The following PIK3C2G variants were observed in gnomAD, a reference collection of about 807,000 sequenced individuals.
PIK3C2G encodes phosphatidylinositol-4-phosphate 3-kinase catalytic subunit type 2 gamma, also known as phosphatidylinositol 3-kinase C2 domain-containing subunit gamma.
Under a neutral mutation model 181.1 loss-of-function variants are expected in PIK3C2G, and 168 were observed. That is an observed-to-expected ratio of 0.93 (90% CI 0.82 to 1.05). The LOEUF (loss-of-function observed/expected upper bound fraction) is 1.05, where lower values mean the gene tolerates loss of function less well. Ranked by LOEUF, PIK3C2G falls within the 50% of genes least tolerant of loss-of-function variation. PIK3C2G has a pLI of 0.00. For missense variants in PIK3C2G, 1,869 were observed against 1,732.8 expected, an observed-to-expected ratio of 1.08 and a Z score of -1.40; for synonymous variants, 573 against 592.2, an observed-to-expected ratio of 0.97 and a Z score of 0.47.
intron 13 of PIK3C2G, among the ~76,000 whole-genome samples, chr12:18,376,942 T>A (rs895615816): frequency 1.3e-5 from 2 of 152,202 alleles, no homozygotes; most frequent in Non-Finnish European, 2.9e-5. Context: ...GCCTGCAGAA[T>A]AATGAGCCAA....
intron 16 of PIK3C2G, among the ~76,000 whole-genome samples, chr12:18,413,897 C>T (rs971326976): frequency 1.3e-5 from 2 of 152,054 alleles, no homozygotes; most frequent in Non-Finnish European, 2.9e-5. Flanking sequence ...AGAAATAATG[C>T]GTAGCCCTCA....
rs12315785 is a variant in PIK3C2G at position 18,357,803 on chromosome 12, G to T, written c.1626-4961G>T. On this transcript the variant is annotated intron_variant, in intron 11 of 32. Coordinates refer to ENST00000538779, the MANE Select transcript of PIK3C2G (RefSeq NM_001288772.2). ...CTTCCTTTTCTATCTCCAAGTGCCC[G>T]GTAACCAACATTCTACTTTTTGCTT... Among the ~76,000 whole-genome samples the T allele has an allele frequency of 7.6e-3, 1,160 of 152,168 alleles. 7 individuals are homozygous for T. The highest frequency in any genetic ancestry group is 0.013 in the Non-Finnish European group (895 of 67,992).
intron 18 of PIK3C2G, among the ~76,000 whole-genome samples, chr12:18,486,672 CAAGT>C (rs757558746): frequency 2.0e-5 from 3 of 150,360 alleles, no homozygotes; most frequent in Non-Finnish European, 3.0e-5. Flanking sequence ...AAAAAAAAAA[CAAGT>C]AGCCCAATAT....
At chr12:18,283,685 T>C (rs1229794113) in intron 2 of PIK3C2G, among the ~76,000 whole-genome samples, 2 of 152,162 alleles carry the variant, frequency 1.3e-5, no homozygotes, top group East Asian at 1.9e-4. Flanking sequence ...TTCTACTTCA[T>C]TTGAATTCAC....
intron 29 of PIK3C2G, among the ~76,000 whole-genome samples, chr12:18,577,382 A>G (rs1946287339): frequency 1.3e-5 from 2 of 152,294 alleles, no homozygotes; most frequent in East Asian, 3.9e-4. Context: ...TGTGCTAATT[A>G]AAGTACTACC....
At chr12:18,601,496 AT>A (rs1042563577) in intron 30 of PIK3C2G, among the ~76,000 whole-genome samples, 1 of 152,026 alleles carries the variant, frequency 6.6e-6, no homozygotes, top group African/African-American at 2.4e-5. Context: ...ATGGAGAGAG[AT>A]TTTTTTAAAG....
At chr12:18,682,598 ATTAAT>A in the PIK3C2G span, among the ~76,000 whole-genome samples, 1 of 152,064 alleles carries the variant, frequency 6.6e-6, no homozygotes, top group Non-Finnish European at 1.5e-5. Flanking sequence ...AACATTGCAA[ATTAAT>A]TTAAGATCCA....
At chr12:18,341,909 T>C (rs1262397866) in intron 9 of PIK3C2G, among the ~76,000 whole-genome samples, 4 of 152,178 alleles carry the variant, frequency 2.6e-5, no homozygotes, top group Non-Finnish European at 5.9e-5. Flanking sequence ...GTTTATTAAA[T>C]GTAAGTTTTG....
chr12:18,264,003 C>T (rs1490869110), intron 1 of PIK3C2G, among the ~76,000 whole-genome samples: 3 of 152,010 alleles, frequency 2.0e-5, no homozygotes, highest in Non-Finnish European at 2.9e-5. Context: ...TCAGTGCCAC[C>T]CTTTTCTCAT....
At chr12:18,297,341 A>T (rs1358566892) in intron 5 of PIK3C2G, among the ~76,000 whole-genome samples, 1 of 152,036 alleles carries the variant, frequency 6.6e-6, no homozygotes, top group African/African-American at 2.4e-5. Context: ...TCTCAATCCT[A>T]ACCAAAAAAC....
intron 18 of PIK3C2G, among the ~76,000 whole-genome samples, chr12:18,457,359 T>C (rs1947685493): frequency 6.6e-6 from 1 of 152,184 alleles, no homozygotes. Context: ...ACACATCCAG[T>C]GTACTAATAA....
rs762435411 is a variant in PIK3C2G at position 18,282,335 on chromosome 12, C to A, written c.254C>A (p.Ser85Tyr). The change falls in exon 2 of 33, where the codon TCC (serine) becomes TAC (tyrosine). Residue 85 changes from serine (S) to tyrosine (Y), a missense_variant. Coordinates refer to ENST00000538779, the MANE Select transcript of PIK3C2G (RefSeq NM_001288772.2). ...TCATTAAATGAAGCACACCAAATAT[C>A]CTTGAATGAATTCACTTCTAAAAGC... ...GHSLNEAHQI[S>Y]LNEFTSKSRE... 1.2e-6 allele frequency: 2 copies of A among 1,613,514 alleles called. No homozygotes were observed. Among genetic ancestry groups the A allele is most frequent in the East Asian group, 4.5e-5 (2 of 44,874 alleles).
intron 5 of PIK3C2G, among the ~76,000 whole-genome samples, chr12:18,298,367 T>A (rs1389735528): frequency 6.6e-6 from 1 of 151,348 alleles, no homozygotes; most frequent in Non-Finnish European, 1.5e-5. Context: ...CACTTTTTGA[T>A]GGGATTATTT....
intron 4 of PIK3C2G, 150 bp downstream of exon 4, chr12:18,291,162 T>C: frequency 1.8e-6 from 1 of 543,462 alleles, no homozygotes; most frequent in Non-Finnish European, 3.2e-6. Flanking sequence ...GGGATCCATT[T>C]GTTAATACTT....
intron 18 of PIK3C2G, among the ~76,000 whole-genome samples, chr12:18,469,653 C>T (rs1205379025): frequency 6.6e-6 from 1 of 151,702 alleles, no homozygotes; most frequent in Non-Finnish European, 1.5e-5. Flanking sequence ...TCAAATTATT[C>T]TTTCTCTCTC....
At chr12:18,276,043 G>T (rs1250710908) in intron 1 of PIK3C2G, among the ~76,000 whole-genome samples, 1 of 152,150 alleles carries the variant, frequency 6.6e-6, no homozygotes, top group Admixed American at 6.6e-5. Context: ...CTGCATATTT[G>T]TTGCAGTAGA....
At chr12:18,629,074 T>G (rs1041999846) in intron 31 of PIK3C2G, among the ~76,000 whole-genome samples, 7 of 152,336 alleles carry the variant, frequency 4.6e-5, no homozygotes, top group Non-Finnish European at 7.3e-5. Context: ...TGAAATGTAT[T>G]AATTCCCTCT....
At chr12:18,571,925 CT>C (rs1945964702) in intron 29 of PIK3C2G, among the ~76,000 whole-genome samples, 1 of 150,600 alleles carries the variant, frequency 6.6e-6, no homozygotes, top group African/African-American at 2.5e-5. Flanking sequence ...TGCTTTTTCT[CT>C]TTTCTTCCAT....
the PIK3C2G span, among the ~76,000 whole-genome samples, chr12:18,658,552 A>G: frequency 6.6e-6 from 1 of 152,186 alleles, no homozygotes; most frequent in Non-Finnish European, 1.5e-5. Context: ...AGAAAAGACC[A>G]TCAACCAAGA....
Sources: allele counts gnomAD v4.1 joint callset (sites outside exome capture counted in the v4.1 genomes callset), GRCh38; gene constraint gnomAD v4.1.1; transcripts MANE v1.5; gene names NCBI Gene and HGNC (gene_info 2026-07-23, HGNC 2026-07-21).